ENPP6: variants seen among roughly 807,000 people sequenced by gnomAD.
ENPP6 encodes the protein glycerophosphocholine cholinephosphodiesterase ENPP6.
In ENPP6, 32 loss-of-function variants were observed where a neutral mutation model predicts 42.0. The ratio of observed to expected loss-of-function variants is 0.76; its 90% CI spans 0.58 to 1.02. The LOEUF is 1.02. ENPP6 is among the 50% of genes least tolerant of loss of function. The probability of loss-of-function intolerance (pLI) is 0.00; values close to 1 mark genes in which losing one functional copy is unlikely to be tolerated. For synonymous variants in ENPP6, 213 were observed against 216.0 expected, an observed-to-expected ratio of 0.99 and a Z score of 0.12; for missense variants, 552 against 566.8, an observed-to-expected ratio of 0.97 and a Z score of 0.27.
chr4:184,144,705 G>C (rs923429183), intron 2 of ENPP6, among the ~76,000 whole-genome samples: 2 of 152,192 alleles, frequency 1.3e-5, no homozygotes, highest in Non-Finnish European at 2.9e-5. Flanking sequence ...GGCACTCTCC[G>C]TGGGAAGGAA....
chr4:184,179,261 G>T (rs1432854154), intron 1 of ENPP6, among the ~76,000 whole-genome samples: 1 of 152,076 alleles, frequency 6.6e-6, no homozygotes, highest in Non-Finnish European at 1.5e-5. Flanking sequence ...AGCCAACAAA[G>T]TTCAAAAAAG....
Position 184,169,245 on chromosome 4 carries a change from G to A in ENPP6, c.242-15512C>T, listed in dbSNP as rs898411114. Among the ~76,000 whole-genome samples the A allele has an allele frequency of 4.6e-5, 7 of 152,260 alleles. No homozygotes were observed. In the East Asian group the frequency reaches 1.2e-3, roughly 25 times the overall value. On this transcript the variant is annotated intron_variant, in intron 1 of 7. Coordinates refer to ENST00000296741, the MANE Select transcript of ENPP6 (RefSeq NM_153343.4). Reference sequence around the variant, plus strand: ...CCAGCCCTAGCCAGGCCAGCGAGGAGCCGCATTCCTGCCACAGTGACCGTG... The same window carrying A: ...CCAGCCCTAGCCAGGCCAGCGAGGAACCGCATTCCTGCCACAGTGACCGTG...
chr4:184,118,670 G>T (rs1172429314), intron 3 of ENPP6, among the ~76,000 whole-genome samples: 2 of 152,220 alleles, frequency 1.3e-5, no homozygotes, highest in Admixed American at 1.3e-4. Flanking sequence ...GAGACCTCTT[G>T]CCTGTCTGGA....
At chr4:184,210,140 G>A (rs1733084291) in intron 1 of ENPP6, among the ~76,000 whole-genome samples, 1 of 151,412 alleles carries the variant, frequency 6.6e-6, no homozygotes, top group Non-Finnish European at 1.5e-5. Flanking sequence ...TCATGCCAAA[G>A]TATAAAGACC....
chr4:184,139,013 C>A (rs113677817), intron 2 of ENPP6, among the ~76,000 whole-genome samples: 5,137 of 152,318 alleles, frequency 0.034, 270 homozygotes, highest in African/African-American at 0.11. Context: ...GGTGCTCTGA[C>A]TGCAAGTCCT....
In ENPP6 at chr4:184,131,189, CTTTCTTTCTTTCTTCT is replaced by C. The variant is rs1230049809; in HGVS notation, c.422-6933_422-6918del. Reference sequence around the variant, plus strand: ...TCTTTCTTTCTTTCTTTCTTTCTTTCTTTCTTTCTTTCTTCTTTCTTTCTTTCTTTTTCTTTCTTTC... The same window carrying C: ...TCTTTCTTTCTTTCTTTCTTTCTTTCTTCTTTCTTTCTTTTTCTTTCTTTC... On this transcript the variant is annotated intron_variant, in intron 2 of 7. Coordinates refer to ENST00000296741, the MANE Select transcript of ENPP6 (RefSeq NM_153343.4). 4.7e-4 allele frequency among the ~76,000 whole-genome samples: 31 copies of C among 66,654 alleles called. 2 individuals carry two copies. Among genetic ancestry groups the C allele is most frequent in the African/African-American group, 2.1e-3 (31 of 15,052 alleles). 43.7% of individuals were successfully genotyped at this position (66,654 alleles called of 152,430 possible).
In ENPP6 at chr4:184,184,082, A is replaced by G. The variant is rs1350649957; in HGVS notation, c.242-30349T>C. Among the ~76,000 whole-genome samples, 2 of 152,130 alleles carry G rather than the reference A, an allele frequency of 1.3e-5. No homozygotes were observed. Among genetic ancestry groups the G allele is most frequent in the African/African-American group, 2.4e-5 (1 of 41,418 alleles). On this transcript the variant is annotated intron_variant, in intron 1 of 7. Coordinates refer to ENST00000296741, the MANE Select transcript of ENPP6 (RefSeq NM_153343.4). This position sits in a 1 kb window ranked among gnomAD's most constrained non-coding sequence, Gnocchi z 4.7. The stretch of plus-strand genomic sequence containing the variant: ...GAGCGAGCCCCACCTCCATGCACCA[A>G]CTGGACATCATGTGAGGGAGGAAAC...
intron 5 of ENPP6, among the ~76,000 whole-genome samples, chr4:184,114,604 C>A (rs780170620): frequency 1.3e-5 from 2 of 152,112 alleles, no homozygotes; most frequent in Middle Eastern, 3.2e-3. Context: ...CCAAACATGG[C>A]CCCCGCTTTT....
intron 2 of ENPP6, among the ~76,000 whole-genome samples, chr4:184,137,641 A>T (rs1273990293): frequency 6.6e-6 from 1 of 152,192 alleles, no homozygotes; most frequent in East Asian, 1.9e-4. Context: ...GATGATTTGA[A>T]GCTTAGCTGT....
intron 1 of ENPP6, among the ~76,000 whole-genome samples, chr4:184,188,316 C>G (rs1479620523): frequency 6.6e-6 from 1 of 152,146 alleles, no homozygotes; most frequent in Non-Finnish European, 1.5e-5. Flanking sequence ...GGGTATATTC[C>G]AAGACCTACA....
intron 1 of ENPP6, among the ~76,000 whole-genome samples, chr4:184,161,311 G>A (rs972793675): frequency 5.3e-5 from 8 of 152,128 alleles, no homozygotes; most frequent in Non-Finnish European, 7.4e-5. Context: ...ACTAATTATC[G>A]GGGAAATGGA....
intron 4 of ENPP6, 86 bp downstream of exon 4, chr4:184,117,673 G>A (rs749755989): frequency 1.6e-4 from 246 of 1,567,834 alleles, no homozygotes; most frequent in Non-Finnish European, 2.1e-4. Context: ...CAGTAAGAGG[G>A]AAGATGTTGA....
intron 1 of ENPP6, among the ~76,000 whole-genome samples, chr4:184,195,198 G>A (rs1277687275): frequency 6.6e-6 from 1 of 152,020 alleles, no homozygotes; most frequent in Non-Finnish European, 1.5e-5. Flanking sequence ...GTGTCACGTG[G>A]GTTTGTTGTA....
At chr4:184,147,800 C>A (rs868504423) in intron 2 of ENPP6, among the ~76,000 whole-genome samples, 28 of 143,880 alleles carry the variant, frequency 1.9e-4, no homozygotes, top group African/African-American at 3.1e-4. Flanking sequence ...GACCCTGTTT[C>A]AAAAAAAAAA....
In ENPP6 at chr4:184,191,943, C is replaced by T. The variant is rs148867324; in HGVS notation, c.241+25636G>A. ...TTTAGCAAAAGAAGTACCAAATGTACGCTGAAAGCTACAAAGCATTGCTGA... is the reference window on the plus strand; with the variant it reads ...TTTAGCAAAAGAAGTACCAAATGTATGCTGAAAGCTACAAAGCATTGCTGA... On this transcript the variant is annotated intron_variant, in intron 1 of 7. Coordinates refer to ENST00000296741, the MANE Select transcript of ENPP6 (RefSeq NM_153343.4). Among the ~76,000 whole-genome samples the T allele has an allele frequency of 1.0e-3, 159 of 152,266 alleles. 1 individual carries two copies. The highest frequency in any genetic ancestry group is 1.7e-3 in the Non-Finnish European group (113 of 68,016).
intron 1 of ENPP6, among the ~76,000 whole-genome samples, chr4:184,205,021 C>T (rs942691767): frequency 2.6e-5 from 4 of 152,154 alleles, no homozygotes; most frequent in African/African-American, 7.2e-5. Context: ...ACCTCCTCCT[C>T]CTGGGTTCAA....
At chr4:184,204,180 A>T (rs904100506) in intron 1 of ENPP6, 1 of 152,092 alleles carries the variant, frequency 6.6e-6, no homozygotes, top group Non-Finnish European at 1.5e-5. Flanking sequence ...ACCTCATTTT[A>T]CCTTAATTAC....
At chr4:184,105,223 G>A (rs1357773984) in intron 6 of ENPP6, among the ~76,000 whole-genome samples, 1 of 152,156 alleles carries the variant, frequency 6.6e-6, no homozygotes, top group Non-Finnish European at 1.5e-5. Flanking sequence ...AAAGAAAGGG[G>A]TTGGGGTAAG....
intron 1 of ENPP6, among the ~76,000 whole-genome samples, chr4:184,183,925 A>G (rs1029628655): frequency 2.6e-5 from 4 of 152,234 alleles, no homozygotes; most frequent in African/African-American, 9.6e-5. Context: ...GCCCTGGCCC[A>G]TGGATGCTTC....
Sources: gnomAD v4.1 joint callset for allele counts (sites outside exome capture counted in the v4.1 genomes callset) on GRCh38, gnomAD v4.1.1 for gene constraint, Gnocchi (gnomAD v3.1) non-coding constraint, MANE v1.5 for transcripts, NCBI Gene and HGNC (gene_info 2026-07-23, HGNC 2026-07-21) for gene names.